Variants in CA12 observed in about 807,000 individuals in gnomAD.
The protein encoded by CA12 is carbonic anhydrase 12.
CA12 carries 36 observed loss-of-function variants against 46.8 expected under a neutral mutation model. The observed-to-expected ratio is 0.77, with a 90% confidence interval of 0.59 to 1.02. The LOEUF is 1.02. Ranked by LOEUF, CA12 falls within the 50% of genes least tolerant of loss-of-function variation. The pLI is 0.00. For missense variants in CA12, 436 were observed against 451.4 expected, an observed-to-expected ratio of 0.97 and a Z score of 0.31; for synonymous variants, 202 against 187.0, an observed-to-expected ratio of 1.08 and a Z score of -0.65.
chr15:63,337,271 G>A (rs1026062701), intron 8 of CA12, among the ~76,000 whole-genome samples: 5 of 152,188 alleles, frequency 3.3e-5, no homozygotes, highest in African/African-American at 7.2e-5. Flanking sequence ...AATCCTGACC[G>A]TAAGGATGGG....
At position 63,355,701 on chromosome 15, in the gene CA12, A is replaced by T. The variant is rs763594695; in HGVS notation, c.107-8992T>A. The stretch of plus-strand genomic sequence containing the variant: ...CCACTAAGTTAAACAAACTGCTGAC[A>T]TGCTAACAACCTAACCCCTATCATG... On this transcript the variant is annotated intron_variant, in intron 2 of 10. Coordinates refer to ENST00000178638, the MANE Select transcript of CA12 (RefSeq NM_001218.5). This position sits in a 1 kb window ranked among gnomAD's most constrained non-coding sequence, Gnocchi z 4.1. 3.3e-5 allele frequency among the ~76,000 whole-genome samples: 5 copies of T among 152,200 alleles called. No individual in the cohort carries two copies. Among genetic ancestry groups the T allele is most frequent in the Admixed American group, 6.5e-5 (1 of 15,294 alleles).
chr15:63,341,859 G>T lies in CA12; in HGVS notation c.525+143C>A. On this transcript the variant is annotated intron_variant, in intron 5 of 10. Transcript: ENST00000178638. This position sits in a 1 kb window ranked among gnomAD's most constrained non-coding sequence, Gnocchi z 5.2. ...AGGCCAAGAGAGAAGGTGCACTACA[G>T]GAGGATACCCCCTGCTCTGGAGTTG... is the stretch of plus-strand genomic sequence containing the variant. The T allele has an allele frequency of 1.4e-6, 1 of 697,086 alleles. No individual in the cohort carries two copies. 43.2% of individuals were successfully genotyped at this position (697,086 alleles called of 1,614,324 possible).
rs372430208 is a variant in CA12 at position 63,345,482 on chromosome 15, C to T, written c.424G>A (p.Ala142Thr). The change falls in exon 4 of 11, where the codon GCC (alanine) becomes ACC (threonine). Residue 142 changes from alanine (A) to threonine (T), a missense_variant. Ala to Thr is a moderately conservative substitution (Grantham distance 58). Transcript: ENST00000178638. This position sits in a 1 kb window ranked among gnomAD's most constrained non-coding sequence, Gnocchi z 4.3. ...AGACTGGCAGCCCTACTTACCTCGGCGGCGAAGTGCTGTCCGCTGACGGTG... is the reference window on the plus strand; with the variant it reads ...AGACTGGCAGCCCTACTTACCTCGGTGGCGAAGTGCTGTCCGCTGACGGTG... ...EHTVSGQHFAAELHIVHYNSD... is the reference protein window; with the variant it reads ...EHTVSGQHFATELHIVHYNSD... The T allele has an allele frequency of 1.8e-5, 29 of 1,607,178 alleles. No individual in the cohort carries two copies. Among genetic ancestry groups the T allele is most frequent in the South Asian group, 7.7e-5 (7 of 91,058 alleles).
At position 63,325,276 on chromosome 15, in the gene CA12, A is replaced by C. The variant is rs1474795150; in HGVS notation, c.*1009T>G. Reference sequence around the variant, plus strand: ...AATGAAATTTGGCCTACAGAGAATAAGTTCTACAGTCATTTTGTTTCTGCC... The same window carrying C: ...AATGAAATTTGGCCTACAGAGAATACGTTCTACAGTCATTTTGTTTCTGCC... On this transcript the variant is annotated 3_prime_UTR_variant, in exon 11 of 11. Transcript: ENST00000178638. The surrounding 1 kb of genome is among the most constrained non-coding windows in gnomAD (Gnocchi z 4.9). The C allele has an allele frequency of 6.6e-6, 1 of 152,224 alleles. No homozygotes were observed. The highest frequency in any genetic ancestry group is 1.5e-5 in the Non-Finnish European group (1 of 68,056). 9.4% of individuals were successfully genotyped at this position (152,224 alleles called of 1,614,324 possible).
chr15:63,362,758 A>C (rs1359223271), intron 2 of CA12, among the ~76,000 whole-genome samples: 10 of 152,198 alleles, frequency 6.6e-5, no homozygotes, highest in Non-Finnish European at 1.2e-4. Flanking sequence ...CACTCTTGCT[A>C]TTATTTAAAG....
At position 63,346,836 on chromosome 15, in the gene CA12, C is replaced by G; in HGVS notation, c.107-127G>C. On this transcript the variant is annotated intron_variant, in intron 2 of 10. Coordinates refer to ENST00000178638, the MANE Select transcript of CA12 (RefSeq NM_001218.5). ...TTCTGAATCCCCGGAGGTAAATCTT[C>G]AAGGCTCAGAGTCTTGGCCTCCAGA... is the stretch of plus-strand genomic sequence containing the variant. 3.6e-6 allele frequency: 4 copies of G among 1,097,250 alleles called. No individual in the cohort carries two copies. The Admixed American group carries it at 7.9e-5, about 22-fold the overall frequency. The allele number at this position is 1,097,250 out of a possible 1,614,324, so 68.0% of individuals were successfully genotyped here.
At chr15:63,354,279 T>A (rs2039268277) in intron 2 of CA12, among the ~76,000 whole-genome samples, 1 of 152,190 alleles carries the variant, frequency 6.6e-6, no homozygotes, top group African/African-American at 2.4e-5. Flanking sequence ...GAGGGTTACT[T>A]GTTATGAATA....
At position 63,345,717 on chromosome 15, in the gene CA12, C is replaced by T. The variant is rs911710399; in HGVS notation, c.287-98G>A. 2.7e-6 allele frequency: 4 copies of T among 1,462,764 alleles called. No individual in the cohort carries two copies. Among genetic ancestry groups the T allele is most frequent in the Admixed American group, 2.0e-5 (1 of 51,136 alleles). 90.6% of individuals were successfully genotyped at this position (1,462,764 alleles called of 1,614,324 possible). A position where few individuals can be genotyped will look rare whatever the true frequency, so the allele number is the denominator to read the frequency against. ...ATGCTCCCTCCACCCCTGCTGCCACCCCCTGGAGCCCAGAGAGAGGCAGGT... is the reference window on the plus strand; with the variant it reads ...ATGCTCCCTCCACCCCTGCTGCCACTCCCTGGAGCCCAGAGAGAGGCAGGT... On this transcript the variant is annotated intron_variant, in intron 3 of 10. Transcript: ENST00000178638. This position sits in a 1 kb window ranked among gnomAD's most constrained non-coding sequence, Gnocchi z 4.3.
At chr15:63,334,933 T>C (rs748382016) in intron 8 of CA12, among the ~76,000 whole-genome samples, 18 of 152,198 alleles carry the variant, frequency 1.2e-4, no homozygotes, top group Admixed American at 6.5e-5. Context: ...GGGATAACCA[T>C]CATCACACTG....
chr15:63,344,422 A>G (rs761979573), intron 4 of CA12, among the ~76,000 whole-genome samples: 1 of 152,224 alleles, frequency 6.6e-6, no homozygotes, highest in Non-Finnish European at 1.5e-5. Context: ...TGAGTCTCAG[A>G]CACTTTTTGG....
intron 2 of CA12, among the ~76,000 whole-genome samples, chr15:63,375,225 C>T (rs962217994): frequency 3.9e-5 from 6 of 152,238 alleles, no homozygotes; most frequent in African/African-American, 1.4e-4. Flanking sequence ...TCTAGACATA[C>T]TGACAGCTTA....
rs529253793 is a variant in CA12, at chr15:63,342,932, C to T, written c.430-835G>A. Reference sequence around the variant, plus strand: ...TGAATACAGCTTAATTTTCCCATTTCGAACTTTAAGTGGCTCCTTCTAACT... The same window carrying T: ...TGAATACAGCTTAATTTTCCCATTTTGAACTTTAAGTGGCTCCTTCTAACT... On this transcript the variant is annotated intron_variant, in intron 4 of 10. Coordinates refer to ENST00000178638, the MANE Select transcript of CA12 (RefSeq NM_001218.5). Among the ~76,000 whole-genome samples the T allele has an allele frequency of 5.6e-4, 85 of 152,208 alleles. 1 individual carries two copies. Among genetic ancestry groups the T allele is most frequent in the Middle Eastern group, 6.8e-3 (2 of 294 alleles).
At chr15:63,369,474 A>G (rs923394421) in intron 2 of CA12, among the ~76,000 whole-genome samples, 2 of 152,238 alleles carry the variant, frequency 1.3e-5, no homozygotes, top group African/African-American at 2.4e-5. Context: ...TCTGAAGCAC[A>G]GCTGGGATTC....
chr15:63,369,571 G>T (rs2039476284), intron 2 of CA12, among the ~76,000 whole-genome samples: 1 of 152,214 alleles, frequency 6.6e-6, no homozygotes, highest in African/African-American at 2.4e-5. Context: ...TGGTTAGGAG[G>T]TAGGCCTGGG....
chr15:63,363,177 G>A (rs1379365334), intron 2 of CA12, among the ~76,000 whole-genome samples: 1 of 152,132 alleles, frequency 6.6e-6, no homozygotes, highest in African/African-American at 2.4e-5. Context: ...ACCTTTTAGA[G>A]CAACTTCTCT....
At chr15:63,380,054 G>C (rs773888801) in intron 1 of CA12, among the ~76,000 whole-genome samples, 3 of 152,158 alleles carry the variant, frequency 2.0e-5, no homozygotes, top group Admixed American at 6.5e-5. Flanking sequence ...GGTTCATGCT[G>C]ACATTCTACA....
Position 63,339,060 on chromosome 15 carries a change from G to T in CA12, c.748-115C>A, listed in dbSNP as rs552992887. ...GGAGAAGCCTCTGGAACCAGCTTCTGTGGGGCCGGGTGGGAGATATTAGAA... is the reference window on the plus strand; with the variant it reads ...GGAGAAGCCTCTGGAACCAGCTTCTTTGGGGCCGGGTGGGAGATATTAGAA... On this transcript the variant is annotated intron_variant, in intron 7 of 10. Transcript: ENST00000178638. The surrounding 1 kb of genome is among the most constrained non-coding windows in gnomAD (Gnocchi z 4.3). 3.5e-5 allele frequency: 44 copies of T among 1,248,450 alleles called. No homozygotes were observed. The highest frequency in any genetic ancestry group is 1.2e-4 in the African/African-American group (8 of 67,498). The allele number at this position is 1,248,450 out of a possible 1,614,324, so 77.3% of individuals were successfully genotyped here.
chr15:63,347,187 TACTG>T (rs1344590313), intron 2 of CA12, among the ~76,000 whole-genome samples: 1 of 152,228 alleles, frequency 6.6e-6, no homozygotes, highest in Non-Finnish European at 1.5e-5. Flanking sequence ...ATTAGTGTCT[TACTG>T]ACCACAGTGC....
At chr15:63,375,625 TTCAACA>T (rs1472463516) in intron 2 of CA12, 27 bp downstream of exon 2, 4 of 1,395,942 alleles carry the variant, frequency 2.9e-6, no homozygotes, top group Non-Finnish European at 3.0e-6. Context: ...CTATTTTCTT[TTCAACA>T]AAAAAGTATT....
Sources: allele counts gnomAD v4.1 joint callset (sites outside exome capture counted in the v4.1 genomes callset), GRCh38; gene constraint gnomAD v4.1.1; non-coding constraint Gnocchi (gnomAD v3.1); transcripts MANE v1.5; gene names NCBI Gene and HGNC (gene_info 2026-07-23, HGNC 2026-07-21).